Variants in MEGF11 observed in about 807,000 individuals in gnomAD.
The protein encoded by MEGF11 is multiple epidermal growth factor-like domains protein 11.
A neutral mutation model predicts 146.6 loss-of-function variants in MEGF11; 126 were observed. The observed-to-expected ratio is 0.86, with a 90% CI of 0.74 to 1.00. The LOEUF (loss-of-function observed/expected upper bound fraction) is 1.00. Among genes scored for constraint, MEGF11 ranks in the 50% least tolerant of loss-of-function variants. The probability of loss-of-function intolerance (pLI) is 0.00; values close to 1 mark genes in which losing one functional copy is unlikely to be tolerated. For missense variants in MEGF11, 1,509 were observed against 1,521.2 expected, an observed-to-expected ratio of 0.99 and a Z score of 0.13; for synonymous variants, 532 against 583.4, an observed-to-expected ratio of 0.91 and a Z score of 1.27.
At chr15:66,104,585 A>G (rs560610539) in intron 4 of MEGF11, among the ~76,000 whole-genome samples, 1 of 152,184 alleles carries the variant, frequency 6.6e-6, no homozygotes, top group Non-Finnish European at 1.5e-5. Flanking sequence ...GGTCTCATTA[A>G]CTTTGCCCAT....
intron 1 of MEGF11, among the ~76,000 whole-genome samples, chr15:66,248,403 A>G (rs572016982): frequency 3.9e-5 from 6 of 152,322 alleles, no homozygotes; most frequent in Admixed American, 3.3e-4. Context: ...TTTTGTCACA[A>G]TGGATACCTG....
At position 65,897,970 on chromosome 15, in the gene MEGF11, G is replaced by C. The variant is rs2078389995; in HGVS notation, c.3387C>G (p.Ser1129Arg). 9 of 1,613,870 alleles carry C rather than the reference G, an allele frequency of 5.6e-6. No homozygotes were observed. Among genetic ancestry groups the C allele is most frequent in the Middle Eastern group, 1.6e-4 (1 of 6,080 alleles). Residue 1129 changes from serine to arginine, a missense_variant, in exon 26 of 26, where the codon AGC (serine) becomes AGG (arginine). Ser to Arg is a moderately radical substitution (Grantham distance 110). Transcript: ENST00000395614. Reference protein sequence around the residue: ...GHYDLLPVRQSPANGPSQDKQ... With the variant: ...GHYDLLPVRQRPANGPSQDKQ... ...TGTCCTGGGACGGCCCATTGGCAGG[G>C]CTCTGTCTTACTGGGAGGAGGTCAT...
At chr15:66,073,581 C>CTT in intron 5 of MEGF11, among the ~76,000 whole-genome samples, 2 of 152,336 alleles carry the variant, frequency 1.3e-5, no homozygotes, top group Middle Eastern at 6.8e-3. Flanking sequence ...ATCACTCTCT[C>CTT]CGTTTTTCAA....
intron 1 of MEGF11, among the ~76,000 whole-genome samples, chr15:66,201,339 G>A (rs966325869): frequency 2.0e-5 from 3 of 152,122 alleles, no homozygotes; most frequent in Non-Finnish European, 4.4e-5. Flanking sequence ...GGGCTGGAGA[G>A]GCTGTTTCGA....
intron 1 of MEGF11, among the ~76,000 whole-genome samples, chr15:66,231,003 A>C (rs901877068): frequency 1.3e-5 from 2 of 152,168 alleles, no homozygotes; most frequent in East Asian, 3.8e-4. Context: ...GTCCCACAAC[A>C]CCACTTCCTT....
At chr15:65,986,493 CAA>C (rs955714390) in intron 5 of MEGF11, among the ~76,000 whole-genome samples, 1 of 149,610 alleles carries the variant, frequency 6.7e-6, no homozygotes, top group East Asian at 2.0e-4. Flanking sequence ...AGTGATTAAA[CAA>C]AAAAAAACAA....
At chr15:66,243,542 G>A (rs1299201168) in intron 1 of MEGF11, among the ~76,000 whole-genome samples, 1 of 152,234 alleles carries the variant, frequency 6.6e-6, no homozygotes, top group Non-Finnish European at 1.5e-5. Flanking sequence ...ATCACTGGAA[G>A]TGAGCTGGAA....
intron 5 of MEGF11, among the ~76,000 whole-genome samples, chr15:66,061,641 C>CTTAT (rs1555466281): frequency 7.0e-6 from 1 of 143,306 alleles, no homozygotes; most frequent in Non-Finnish European, 1.5e-5. Flanking sequence ...TTTTTTGAGC[C>CTTAT]TTTTTTTTTT....
intron 5 of MEGF11, among the ~76,000 whole-genome samples, chr15:66,063,610 GTCTT>G (rs981896945): frequency 6.6e-6 from 1 of 152,204 alleles, no homozygotes; most frequent in African/African-American, 2.4e-5. Flanking sequence ...TTCATTGTAA[GTCTT>G]TCTGCCTGGG....
intron 5 of MEGF11, among the ~76,000 whole-genome samples, chr15:66,069,279 T>C (rs919229740): frequency 6.6e-6 from 1 of 152,210 alleles, no homozygotes; most frequent in Admixed American, 6.5e-5. Flanking sequence ...CGAAACTTTA[T>C]ATGTGATGCT....
intron 7 of MEGF11, among the ~76,000 whole-genome samples, chr15:65,972,789 T>C (rs190616524): frequency 1.3e-5 from 2 of 152,278 alleles, no homozygotes; most frequent in East Asian, 3.9e-4. Flanking sequence ...CATAAACACT[T>C]TCTCAGAAAG....
intron 5 of MEGF11, among the ~76,000 whole-genome samples, chr15:65,992,448 T>TTTG (rs1555459360): frequency 1.3e-3 from 36 of 28,250 alleles, no homozygotes; most frequent in African/African-American, 3.0e-3. Context: ...TGTGTGTGTG[T>TTTG]GTGGGGGGGG....
chr15:66,252,684 AC>A (rs1226882681), intron 1 of MEGF11, among the ~76,000 whole-genome samples: 1 of 152,180 alleles, frequency 6.6e-6, no homozygotes, highest in Non-Finnish European at 1.5e-5. Context: ...CCCTCGAGGA[AC>A]GATTCTGCCT....
chr15:66,155,724 T>C (rs1033028786), intron 1 of MEGF11, among the ~76,000 whole-genome samples: 3 of 152,196 alleles, frequency 2.0e-5, no homozygotes, highest in Admixed American at 1.3e-4. Flanking sequence ...AGCCTTGATT[T>C]TTCTCTTTAT....
intron 4 of MEGF11, among the ~76,000 whole-genome samples, chr15:66,096,770 C>A (rs1397686339): frequency 6.6e-6 from 1 of 152,188 alleles, no homozygotes; most frequent in Non-Finnish European, 1.5e-5. Context: ...TGCTCCCGAT[C>A]CTAGAGACCC....
chr15:66,101,332 C>A (rs1178529310), intron 4 of MEGF11, among the ~76,000 whole-genome samples: 1 of 152,192 alleles, frequency 6.6e-6, no homozygotes, highest in Non-Finnish European at 1.5e-5. Flanking sequence ...AGCCCCTGCC[C>A]TCCCCACACT....
At chr15:66,240,706 C>T (rs2092192909) in intron 1 of MEGF11, among the ~76,000 whole-genome samples, 1 of 152,188 alleles carries the variant, frequency 6.6e-6, no homozygotes, top group Non-Finnish European at 1.5e-5. Flanking sequence ...GGTTAGGTAG[C>T]TGGTCAGAAA....
intron 1 of MEGF11, among the ~76,000 whole-genome samples, chr15:66,146,134 C>G (rs1222272025): frequency 6.6e-6 from 1 of 152,110 alleles, no homozygotes. Context: ...CTTCACTGCC[C>G]GTTCTACAAA....
chr15:66,126,852 A>C (rs544994484), intron 2 of MEGF11, among the ~76,000 whole-genome samples: 2 of 152,338 alleles, frequency 1.3e-5, no homozygotes, highest in Admixed American at 6.5e-5. Context: ...GGCCTGAGTA[A>C]CCTCAGAATC....
Sources: gnomAD v4.1 joint callset for allele counts (sites outside exome capture counted in the v4.1 genomes callset) on GRCh38, gnomAD v4.1.1 for gene constraint, MANE v1.5 for transcripts, NCBI Gene and HGNC (gene_info 2026-07-23, HGNC 2026-07-21) for gene names.